SLC24A2: variants seen among roughly 807,000 people sequenced by gnomAD.
SLC24A2 encodes solute carrier family 24 member 2.
SLC24A2 carries 36 observed loss-of-function variants against 62.0 expected under a neutral mutation model. That is an observed-to-expected ratio of 0.58 (90% CI 0.44 to 0.77). The LOEUF is 0.77. Ranked by LOEUF, SLC24A2 falls within the 30% of genes least tolerant of loss-of-function variation. SLC24A2 has a pLI of 0.00. For missense variants in SLC24A2, 846 were observed against 817.9 expected, an observed-to-expected ratio of 1.03 and a Z score of -0.42; for synonymous variants, 358 against 294.0, an observed-to-expected ratio of 1.22 and a Z score of -2.23.
chr9:20,064,431 C>T, the SLC24A2 span, among the ~76,000 whole-genome samples: 5 of 151,918 alleles, frequency 3.3e-5, no homozygotes, highest in Non-Finnish European at 7.4e-5. Flanking sequence ...TATAAATTTA[C>T]TTAAAATTAT....
At chr9:20,091,603 C>T in the SLC24A2 span, among the ~76,000 whole-genome samples, 1 of 151,916 alleles carries the variant, frequency 6.6e-6, no homozygotes, top group Non-Finnish European at 1.5e-5. Context: ...ATCTACTAAA[C>T]TAAGCTTCCT....
At chr9:19,919,357 G>T in the SLC24A2 span, among the ~76,000 whole-genome samples, 1 of 152,138 alleles carries the variant, frequency 6.6e-6, no homozygotes, top group African/African-American at 2.4e-5. Flanking sequence ...CAATGTACCA[G>T]TTAAGCTCAA....
the SLC24A2 span, among the ~76,000 whole-genome samples, chr9:20,266,497 G>C: frequency 6.6e-6 from 1 of 151,836 alleles, no homozygotes; most frequent in Non-Finnish European, 1.5e-5. Flanking sequence ...ACCACGAAAA[G>C]CCCTTCGATA....
the SLC24A2 span, among the ~76,000 whole-genome samples, chr9:20,167,175 G>A: frequency 7.9e-5 from 12 of 152,004 alleles, no homozygotes; most frequent in African/African-American, 9.7e-5. Flanking sequence ...AAAAGGATAC[G>A]TTTAATTAAC....
the SLC24A2 span, among the ~76,000 whole-genome samples, chr9:20,249,908 C>G: frequency 2.6e-5 from 4 of 152,156 alleles, no homozygotes; most frequent in Non-Finnish European, 5.9e-5. Context: ...TGTATAGATT[C>G]TCCTCCTGGT....
the SLC24A2 span, among the ~76,000 whole-genome samples, chr9:20,038,628 C>CA: frequency 0.046 from 1,495 of 32,342 alleles, 35 homozygotes; most frequent in East Asian, 0.16. Flanking sequence ...GTAAAAGAAA[C>CA]AAACAAAAAA....
chr9:19,933,767 A>G, the SLC24A2 span, among the ~76,000 whole-genome samples: 1 of 152,254 alleles, frequency 6.6e-6, no homozygotes, highest in Non-Finnish European at 1.5e-5. Flanking sequence ...GTATATCCAT[A>G]CAATGCAATA....
the SLC24A2 span, among the ~76,000 whole-genome samples, chr9:20,027,956 T>A: frequency 6.6e-6 from 1 of 152,102 alleles, no homozygotes; most frequent in African/African-American, 2.4e-5. Context: ...ATACAATAAG[T>A]AAAGAAGCCT....
chr9:19,715,262 T>C (rs1463512062), intron 2 of SLC24A2, among the ~76,000 whole-genome samples: 2 of 152,192 alleles, frequency 1.3e-5, no homozygotes, highest in African/African-American at 4.8e-5. Flanking sequence ...CCTCTTGTAT[T>C]TTCTTTTATA....
the SLC24A2 span, among the ~76,000 whole-genome samples, chr9:20,145,450 AT>A: frequency 2.0e-5 from 3 of 152,094 alleles, no homozygotes; most frequent in Admixed American, 2.0e-4. Flanking sequence ...TTTAGTAGTC[AT>A]CGATCTCAAC....
chr9:20,231,975 T>A, the SLC24A2 span, among the ~76,000 whole-genome samples: 1 of 152,368 alleles, frequency 6.6e-6, no homozygotes, highest in East Asian at 1.9e-4. Context: ...GGGCCTTTTC[T>A]GCATCTATTG....
chr9:20,104,689 C>G, the SLC24A2 span, among the ~76,000 whole-genome samples: 4 of 152,238 alleles, frequency 2.6e-5, no homozygotes, highest in East Asian at 7.7e-4. Context: ...TAAAAGAGCT[C>G]CTGAAGGAAG....
the SLC24A2 span, among the ~76,000 whole-genome samples, chr9:20,305,509 G>A: frequency 2.0e-5 from 3 of 152,108 alleles, no homozygotes; most frequent in African/African-American, 7.2e-5. Context: ...TAGGTCAGGA[G>A]GTAGCAATAA....
the SLC24A2 span, among the ~76,000 whole-genome samples, chr9:20,091,615 A>G: frequency 4.6e-5 from 7 of 152,314 alleles, no homozygotes; most frequent in East Asian, 1.3e-3. Flanking sequence ...AAGCTTCCTC[A>G]GTGAAGGAGA....
chr9:19,965,115 G>A, the SLC24A2 span, among the ~76,000 whole-genome samples: 1 of 152,104 alleles, frequency 6.6e-6, no homozygotes, highest in Admixed American at 6.6e-5. Context: ...AGCGTTGGAG[G>A]CAGAGGGAAT....
At chr9:20,184,276 G>A in the SLC24A2 span, among the ~76,000 whole-genome samples, 5 of 152,234 alleles carry the variant, frequency 3.3e-5, no homozygotes, top group Non-Finnish European at 7.3e-5. Flanking sequence ...TAGGCTGGGT[G>A]CAGAGGCTCA....
At chr9:19,610,754 G>A (rs1295313373) in intron 4 of SLC24A2, among the ~76,000 whole-genome samples, 2 of 152,224 alleles carry the variant, frequency 1.3e-5, no homozygotes, top group Non-Finnish European at 2.9e-5. Flanking sequence ...ATAGAACTTT[G>A]TTGGTCACTA....
At chr9:19,688,761 A>G (rs558768450) in intron 2 of SLC24A2, among the ~76,000 whole-genome samples, 144 of 152,242 alleles carry the variant, frequency 9.5e-4, no homozygotes, top group African/African-American at 3.3e-3. Context: ...TGGCCCCAAC[A>G]TACATGTCTT....
rs1278584123 is a variant in SLC24A2 at position 19,514,461 on chromosome 9, G to A, written c.*1692C>T. On this transcript the variant is annotated 3_prime_UTR_variant, in exon 11 of 11. Coordinates refer to ENST00000341998, the MANE Select transcript of SLC24A2 (RefSeq NM_020344.4). ...CTGATTTTAAGGAAAGCATGACTTG[G>A]AGAAAAGAAAAGTGCTCTACATAGT... 6.6e-6 allele frequency: 1 copy of A among 152,160 alleles called. No individual in the cohort carries two copies. The highest frequency in any genetic ancestry group is 1.5e-5 in the Non-Finnish European group (1 of 68,034). 9.4% of individuals were successfully genotyped at this position (152,160 alleles called of 1,614,324 possible).
Sources: allele counts gnomAD v4.1 joint callset (sites outside exome capture counted in the v4.1 genomes callset), GRCh38; gene constraint gnomAD v4.1.1; transcripts MANE v1.5; gene names NCBI Gene and HGNC (gene_info 2026-07-23, HGNC 2026-07-21).